Variants in DCLK1 observed in about 807,000 individuals in gnomAD.
The protein encoded by DCLK1 is doublecortin like kinase 1, also known as serine/threonine-protein kinase DCLK1.
DCLK1 carries 16 observed loss-of-function variants against 86.2 expected under a neutral mutation model. The ratio of observed to expected loss-of-function variants is 0.19; its 90% CI spans 0.13 to 0.28. The LOEUF (loss-of-function observed/expected upper bound fraction) is 0.28, where lower values mean the gene tolerates loss of function less well. DCLK1 is among the 10% of genes least tolerant of loss of function. DCLK1 has a pLI of 1.00. For synonymous variants in DCLK1, 369 were observed against 370.5 expected (o/e 1.00, Z 0.05); for missense variants, 590 against 940.2 (o/e 0.63, Z 4.87).
chr13:36,095,284 C>A (rs774751965), intron 3 of DCLK1, among the ~76,000 whole-genome samples: 6 of 151,750 alleles, frequency 4.0e-5, no homozygotes, highest in Non-Finnish European at 7.4e-5. Context: ...TGGCTCACTG[C>A]AACTTCCGCT....
At chr13:35,984,694 T>C (rs1879814909) in intron 3 of DCLK1, among the ~76,000 whole-genome samples, 1 of 152,168 alleles carries the variant, frequency 6.6e-6, no homozygotes, top group Non-Finnish European at 1.5e-5. Flanking sequence ...TCCATTTTTG[T>C]TTGCCCTTTT....
intron 3 of DCLK1, among the ~76,000 whole-genome samples, chr13:36,024,558 A>C (rs1368621607): frequency 6.6e-6 from 1 of 152,236 alleles, no homozygotes; most frequent in Non-Finnish European, 1.5e-5. Flanking sequence ...GAAAACTATA[A>C]AACATTGTTG....
chr13:35,858,732 C>T (rs1871223654), intron 5 of DCLK1, among the ~76,000 whole-genome samples: 1 of 152,122 alleles, frequency 6.6e-6, no homozygotes, highest in Admixed American at 6.6e-5. Flanking sequence ...CTAATAAAAC[C>T]ACTGGGCTCA....
intron 16 of DCLK1, among the ~76,000 whole-genome samples, chr13:35,783,267 T>C (rs1025493154): frequency 2.0e-5 from 3 of 152,244 alleles, no homozygotes; most frequent in African/African-American, 7.2e-5. Flanking sequence ...CAGGAAAATC[T>C]GTGGAGTGGG....
At chr13:35,827,609 A>G (rs9574698) in intron 10 of DCLK1, 26 bp downstream of exon 10, 427,340 of 1,611,164 alleles carry the variant, frequency 0.27, 60,327 homozygotes, top group East Asian at 0.56. Context: ...ATCAATAAAG[A>G]CTTACTTTCT....
At chr13:35,970,554 A>G (rs749886785) in intron 3 of DCLK1, among the ~76,000 whole-genome samples, 10 of 152,118 alleles carry the variant, frequency 6.6e-5, no homozygotes, top group Admixed American at 1.3e-4. Flanking sequence ...TAAAAGGACT[A>G]TTGGCGGTGG....
At chr13:36,089,664 C>A (rs1884746325) in intron 3 of DCLK1, among the ~76,000 whole-genome samples, 1 of 152,188 alleles carries the variant, frequency 6.6e-6, no homozygotes, top group Non-Finnish European at 1.5e-5. Context: ...TGGTCATTTA[C>A]TTTCTCCAAC....
chr13:35,860,319 TG>T (rs1325047499), intron 5 of DCLK1, among the ~76,000 whole-genome samples: 1 of 141,404 alleles, frequency 7.1e-6, no homozygotes, highest in African/African-American at 2.9e-5. Context: ...ATGCAGGGGG[TG>T]GGGGGTGCAT....
chr13:35,875,339 T>C (rs545517991), intron 4 of DCLK1, among the ~76,000 whole-genome samples: 1 of 152,340 alleles, frequency 6.6e-6, no homozygotes, highest in African/African-American at 2.4e-5. Context: ...TAACAGATGG[T>C]ACACATTGTT....
chr13:36,045,377 T>TATATATAC (rs568110221), intron 3 of DCLK1, among the ~76,000 whole-genome samples: 2 of 125,080 alleles, frequency 1.6e-5, no homozygotes, highest in African/African-American at 2.9e-5. Flanking sequence ...TATATATATA[T>TATATATAC]TTCAAGGTAA....
intron 4 of DCLK1, among the ~76,000 whole-genome samples, chr13:35,940,099 T>C (rs919342437): frequency 1.3e-5 from 2 of 152,034 alleles, no homozygotes; most frequent in African/African-American, 4.8e-5. Flanking sequence ...CATGTGCCTG[T>C]AGTCCCAGCT....
At chr13:36,035,118 C>G (rs555717775) in intron 3 of DCLK1, among the ~76,000 whole-genome samples, 2 of 152,248 alleles carry the variant, frequency 1.3e-5, no homozygotes, top group South Asian at 2.1e-4. Context: ...CACATCGCTG[C>G]CCATGGCTGC....
At chr13:35,776,285 G>A (rs996075356) in intron 16 of DCLK1, among the ~76,000 whole-genome samples, 3 of 152,238 alleles carry the variant, frequency 2.0e-5, no homozygotes, top group South Asian at 2.1e-4. Context: ...GAAATGTTCT[G>A]TTTGTGTAGA....
chr13:35,919,836 G>A (rs894498926), intron 4 of DCLK1, among the ~76,000 whole-genome samples: 1 of 128,706 alleles, frequency 7.8e-6, no homozygotes, highest in Non-Finnish European at 1.6e-5. Context: ...AGAAAAAAAT[G>A]TTTACCTTCT....
At chr13:36,023,849 A>G (rs997334692) in intron 3 of DCLK1, among the ~76,000 whole-genome samples, 5 of 151,548 alleles carry the variant, frequency 3.3e-5, no homozygotes, top group African/African-American at 9.7e-5. Context: ...CTTTCCCCCT[A>G]AGATTGGGAA....
intron 8 of DCLK1, among the ~76,000 whole-genome samples, chr13:35,834,224 A>G (rs1417247268): frequency 1.3e-5 from 2 of 152,242 alleles, no homozygotes; most frequent in Non-Finnish European, 2.9e-5. Context: ...AAAAGCATCA[A>G]TGAAATATAA....
At chr13:35,946,196 G>A (rs1301443499) in intron 4 of DCLK1, among the ~76,000 whole-genome samples, 1 of 152,144 alleles carries the variant, frequency 6.6e-6, no homozygotes, top group Non-Finnish European at 1.5e-5. Context: ...TAGAAACAGG[G>A]TTTCGCCATG....
intron 4 of DCLK1, among the ~76,000 whole-genome samples, chr13:35,880,497 C>T (rs1005855715): frequency 3.3e-5 from 5 of 152,096 alleles, no homozygotes; most frequent in Admixed American, 2.0e-4. Flanking sequence ...AATGCAAGTA[C>T]GATGCAAGAG....
chr13:35,883,426 C>T (rs1873037231), intron 4 of DCLK1, among the ~76,000 whole-genome samples: 2 of 152,176 alleles, frequency 1.3e-5, no homozygotes, highest in African/African-American at 4.8e-5. Context: ...TCCATGTGAT[C>T]TCTGCACATA....
Sources: allele counts gnomAD v4.1 joint callset (sites outside exome capture counted in the v4.1 genomes callset), GRCh38; gene constraint gnomAD v4.1.1; transcripts MANE v1.5; gene names NCBI Gene and HGNC (gene_info 2026-07-23, HGNC 2026-07-21).